The following AGBL1 variants were observed in gnomAD, a reference collection of about 807,000 sequenced individuals.
AGBL1 encodes the protein cytosolic carboxypeptidase 4.
AGBL1 carries 130 observed loss-of-function variants against 118.9 expected under a neutral mutation model. The ratio of observed to expected loss-of-function variants is 1.09; its 90% CI spans 0.95 to 1.26. The LOEUF (loss-of-function observed/expected upper bound fraction) is 1.26, where lower values mean the gene tolerates loss of function less well. AGBL1 is among the 50% of genes most tolerant of loss of function. The pLI is 0.00. For synonymous variants in AGBL1, 555 were observed against 478.9 expected (o/e 1.16, Z -2.08); for missense variants, 1,584 against 1,298.1 (o/e 1.22, Z -3.38).
At chr15:86,653,527 C>G (rs547927424) in intron 21 of AGBL1, among the ~76,000 whole-genome samples, 101 of 152,278 alleles carry the variant, frequency 6.6e-4, no homozygotes, top group Admixed American at 3.3e-4. Context: ...TCTATAGCTG[C>G]TTGGTTCTTT....
At position 86,395,759 on chromosome 15, in the gene AGBL1, G is replaced by A. The variant is rs370966269; in HGVS notation, c.2375-1607G>A. Among the ~76,000 whole-genome samples the A allele has an allele frequency of 7.9e-5, 12 of 152,108 alleles. No individual in the cohort carries two copies. In the East Asian group the frequency reaches 9.6e-4, roughly 12 times the overall value. Reference sequence around the variant, plus strand: ...GATTAATGGCTGTCAGCAGAAATACGGAAGAGACAGATAGTCTTTAGGTTT... The same window carrying A: ...GATTAATGGCTGTCAGCAGAAATACAGAAGAGACAGATAGTCTTTAGGTTT... On this transcript the variant is annotated intron_variant, in intron 17 of 22. Coordinates refer to ENST00000614907, the MANE Select transcript of AGBL1 (RefSeq NM_001386094.1).
intron 18 of AGBL1, among the ~76,000 whole-genome samples, chr15:86,489,726 T>C (rs534083547): frequency 6.6e-6 from 1 of 152,250 alleles, no homozygotes; most frequent in South Asian, 2.1e-4. Flanking sequence ...TGGTCAGGCC[T>C]GTAAAGCCCA....
intron 21 of AGBL1, among the ~76,000 whole-genome samples, chr15:86,607,489 AACC>A: frequency 6.6e-6 from 1 of 152,174 alleles, no homozygotes. Context: ...TTTTGTAGGA[AACC>A]ACCAAACTGT....
intron 22 of AGBL1, among the ~76,000 whole-genome samples, chr15:86,715,828 G>A (rs1555442093): frequency 6.6e-6 from 1 of 152,134 alleles, no homozygotes; most frequent in Non-Finnish European, 1.5e-5. Context: ...GGAGGCTGAG[G>A]CGGGCGGATC....
At chr15:86,294,811 A>G (rs2079606141) in intron 16 of AGBL1, among the ~76,000 whole-genome samples, 1 of 152,148 alleles carries the variant, frequency 6.6e-6, no homozygotes, top group Non-Finnish European at 1.5e-5. Flanking sequence ...ACATGCATAG[A>G]TTGAGCAAAG....
intron 20 of AGBL1, among the ~76,000 whole-genome samples, chr15:86,548,802 G>C (rs1813000909): frequency 6.6e-6 from 1 of 152,028 alleles, no homozygotes; most frequent in African/African-American, 2.4e-5. Flanking sequence ...GCATTGCTGA[G>C]ACTGGATAAA....
chr15:86,116,977 C>T (rs973004209), intron 1 of AGBL1, among the ~76,000 whole-genome samples: 12 of 139,780 alleles, frequency 8.6e-5, no homozygotes, highest in Admixed American at 2.2e-4. Flanking sequence ...AACATGTTTT[C>T]GTGTTACTTA....
intron 21 of AGBL1, among the ~76,000 whole-genome samples, chr15:86,647,709 AAAAG>A (rs1292384953): frequency 6.6e-6 from 1 of 152,160 alleles, no homozygotes; most frequent in Non-Finnish European, 1.5e-5. Context: ...TCAAAATACA[AAAAG>A]AAAATATGTT....
chr15:86,571,052 C>T (rs527448087), intron 21 of AGBL1, among the ~76,000 whole-genome samples: 75 of 152,270 alleles, frequency 4.9e-4, no homozygotes, highest in African/African-American at 1.6e-3. Flanking sequence ...GGCATGGACA[C>T]GGGCTCTTGG....
At chr15:86,244,049 AG>A (rs1567150804) in intron 6 of AGBL1, among the ~76,000 whole-genome samples, 9 of 117,692 alleles carry the variant, frequency 7.6e-5, no homozygotes, top group Middle Eastern at 3.7e-3. Context: ...ATAGATAGAT[AG>A]ATAGATAAAT....
chr15:86,879,634 A>G (rs1334366364), intron 22 of AGBL1, among the ~76,000 whole-genome samples: 2 of 152,226 alleles, frequency 1.3e-5, no homozygotes, highest in African/African-American at 2.4e-5. Context: ...TAATTATGTA[A>G]TATGCAATCC....
At chr15:86,212,856 G>T (rs1268232603) in intron 5 of AGBL1, among the ~76,000 whole-genome samples, 1 of 152,104 alleles carries the variant, frequency 6.6e-6, no homozygotes, top group Non-Finnish European at 1.5e-5. Context: ...CACCATGTTG[G>T]CCAGGCTGGT....
chr15:86,162,926 C>G lies in AGBL1; in HGVS notation c.488+3900C>G, dbSNP rs147740191. On this transcript the variant is annotated intron_variant, in intron 5 of 22. Coordinates refer to ENST00000614907, the MANE Select transcript of AGBL1 (RefSeq NM_001386094.1). ...TCACTGGATGCCACCTGCTCCATTT[C>G]ATCAGAGAAAAGGAATCTACTCTCC... 1.5e-4 allele frequency among the ~76,000 whole-genome samples: 23 copies of G among 152,316 alleles called. 1 individual carries two copies. The East Asian group carries it at 3.9e-3, about 26-fold the overall frequency.
intron 5 of AGBL1, among the ~76,000 whole-genome samples, chr15:86,215,720 A>G (rs758791170): frequency 2.6e-5 from 4 of 152,220 alleles, no homozygotes; most frequent in East Asian, 1.9e-4. Context: ...GTATTTTCTC[A>G]GCAATCTCAC....
At chr15:86,370,114 A>G (rs553423426) in intron 17 of AGBL1, among the ~76,000 whole-genome samples, 52 of 152,272 alleles carry the variant, frequency 3.4e-4, no homozygotes, top group African/African-American at 1.2e-3. Context: ...GAATTTAAAA[A>G]TGTCTTGAAC....
chr15:86,200,634 G>C (rs1195503563), intron 5 of AGBL1, among the ~76,000 whole-genome samples: 1 of 80,088 alleles, frequency 1.2e-5, no homozygotes, highest in East Asian at 4.8e-4. Context: ...TTTTTTTTTT[G>C]AGATGGAGTC....
At chr15:86,434,039 A>G (rs748192733) in intron 18 of AGBL1, among the ~76,000 whole-genome samples, 4 of 152,362 alleles carry the variant, frequency 2.6e-5, no homozygotes, top group Non-Finnish European at 5.9e-5. Flanking sequence ...GGAGGAAATT[A>G]CAGGCATCTA....
intron 18 of AGBL1, among the ~76,000 whole-genome samples, chr15:86,521,528 C>T (rs971958164): frequency 3.3e-5 from 5 of 152,004 alleles, no homozygotes; most frequent in Non-Finnish European, 7.4e-5. Context: ...ATCAAGGGGG[C>T]CTCAGGATGT....
intron 6 of AGBL1, among the ~76,000 whole-genome samples, chr15:86,225,660 T>C (rs2078350314): frequency 6.6e-6 from 1 of 152,080 alleles, no homozygotes; most frequent in Non-Finnish European, 1.5e-5. Context: ...GAAGAAGTCT[T>C]AGCTTAATGT....
Sources: allele counts gnomAD v4.1 joint callset (sites outside exome capture counted in the v4.1 genomes callset), GRCh38; gene constraint gnomAD v4.1.1; transcripts MANE v1.5; gene names NCBI Gene and HGNC (gene_info 2026-07-23, HGNC 2026-07-21).